The following RIT2 variants were observed in gnomAD, a reference collection of about 807,000 sequenced individuals.
RIT2 encodes the protein GTP-binding protein Rit2.
A neutral mutation model predicts 23.7 loss-of-function variants in RIT2; 24 were observed. That is an observed-to-expected ratio of 1.01 (90% CI 0.73 to 1.43). The LOEUF (loss-of-function observed/expected upper bound fraction) is 1.43. Ranked by LOEUF, RIT2 falls within the 40% of genes most tolerant of loss-of-function variation. The pLI, the probability that RIT2 is intolerant of heterozygous loss-of-function variation, is 0.00. For synonymous variants in RIT2, 107 were observed against 91.1 expected (o/e 1.17, Z -0.99); for missense variants, 236 against 266.9 (o/e 0.88, Z 0.81).
intron 1 of RIT2, among the ~76,000 whole-genome samples, chr18:43,073,821 T>C (rs7234870): frequency 0.34 from 52,225 of 151,982 alleles, 9,398 homozygotes; most frequent in East Asian, 0.56. Context: ...AGAAGTTTTG[T>C]TGTGCATAAG....
chr18:42,944,549 G>A (rs1044205606), intron 3 of RIT2, among the ~76,000 whole-genome samples: 1 of 152,038 alleles, frequency 6.6e-6, no homozygotes, highest in African/African-American at 2.4e-5. Flanking sequence ...ATCTCAATGA[G>A]GTAGGCTCTA....
chr18:42,960,621 A>T (rs1910074387), intron 3 of RIT2, among the ~76,000 whole-genome samples: 1 of 152,052 alleles, frequency 6.6e-6, no homozygotes, highest in Non-Finnish European at 1.5e-5. Flanking sequence ...AGCCCTGCCA[A>T]TGTTTTTAGC....
chr18:43,031,054 C>T (rs996903090), intron 2 of RIT2, among the ~76,000 whole-genome samples: 2 of 151,712 alleles, frequency 1.3e-5, no homozygotes, highest in African/African-American at 2.4e-5. Flanking sequence ...CTCTCGCTTG[C>T]CTTCCTACAT....
chr18:42,761,971 A>G (rs897917355), intron 4 of RIT2, among the ~76,000 whole-genome samples: 6 of 152,196 alleles, frequency 3.9e-5, no homozygotes, highest in Non-Finnish European at 5.9e-5. Context: ...GGAGGCAGGG[A>G]TTAGAGGCTG....
intron 4 of RIT2, among the ~76,000 whole-genome samples, chr18:42,813,708 T>C (rs1338280916): frequency 6.6e-6 from 1 of 152,098 alleles, no homozygotes. Flanking sequence ...AAAGTCAAAG[T>C]AGTGGGGATC....
chr18:43,078,240 C>G, intron 1 of RIT2, among the ~76,000 whole-genome samples: 1 of 152,164 alleles, frequency 6.6e-6, no homozygotes, highest in East Asian at 1.9e-4. Flanking sequence ...GACAATTCCT[C>G]TATCCACATC....
intron 2 of RIT2, among the ~76,000 whole-genome samples, chr18:42,991,083 C>G (rs1910836271): frequency 6.6e-6 from 1 of 151,916 alleles, no homozygotes; most frequent in Non-Finnish European, 1.5e-5. Context: ...TTTCGGAAAC[C>G]ATATTTAGTA....
intron 2 of RIT2, among the ~76,000 whole-genome samples, chr18:42,986,917 T>C (rs1910722739): frequency 6.6e-6 from 1 of 152,188 alleles, no homozygotes; most frequent in African/African-American, 2.4e-5. Flanking sequence ...ATGATAATGA[T>C]ACAAATGCTA....
chr18:42,953,796 G>T (rs553099919), intron 3 of RIT2, among the ~76,000 whole-genome samples: 1 of 152,078 alleles, frequency 6.6e-6, no homozygotes, highest in Non-Finnish European at 1.5e-5. Flanking sequence ...ACGTTTAAAC[G>T]AAGTGTGGGA....
At chr18:43,062,757 T>A (rs1912677513) in intron 1 of RIT2, among the ~76,000 whole-genome samples, 1 of 152,108 alleles carries the variant, frequency 6.6e-6, no homozygotes. Context: ...ACCACATGTT[T>A]AAGTATGGGC....
intron 4 of RIT2, among the ~76,000 whole-genome samples, chr18:42,809,019 A>T (rs941006949): frequency 6.6e-6 from 1 of 152,176 alleles, no homozygotes; most frequent in Non-Finnish European, 1.5e-5. Context: ...TTTTGGATTC[A>T]AACTGGTCTT....
intron 4 of RIT2, among the ~76,000 whole-genome samples, chr18:42,807,493 T>G (rs936038003): frequency 6.6e-6 from 1 of 152,134 alleles, no homozygotes; most frequent in Non-Finnish European, 1.5e-5. Context: ...GGCAGGTGCC[T>G]GTAATCCCAA....
chr18:42,821,557 C>A (rs138678172), intron 4 of RIT2, among the ~76,000 whole-genome samples: 2 of 151,934 alleles, frequency 1.3e-5, no homozygotes, highest in Admixed American at 1.3e-4. Context: ...GAGGAGGCAC[C>A]GGAGATGCTA....
intron 4 of RIT2, among the ~76,000 whole-genome samples, chr18:42,856,252 T>C (rs1454667707): frequency 6.6e-6 from 1 of 152,250 alleles, no homozygotes; most frequent in Non-Finnish European, 1.5e-5. Flanking sequence ...TAGACCTTTG[T>C]TCAGGAGAGA....
At chr18:43,102,793 A>G (rs1290983972) in intron 1 of RIT2, among the ~76,000 whole-genome samples, 2 of 151,924 alleles carry the variant, frequency 1.3e-5, no homozygotes, top group African/African-American at 4.8e-5. Context: ...AGCTGGGACT[A>G]CAGGAGTGCA....
chr18:42,827,788 G>T (rs746532601), intron 4 of RIT2, among the ~76,000 whole-genome samples: 1 of 151,694 alleles, frequency 6.6e-6, no homozygotes, highest in Non-Finnish European at 1.5e-5. Flanking sequence ...GGCGGATCAC[G>T]AGGTCAGGAA....
intron 1 of RIT2, among the ~76,000 whole-genome samples, chr18:43,056,024 T>A (rs1197166224): frequency 6.6e-6 from 1 of 152,042 alleles, no homozygotes. Context: ...GCTTCCATAG[T>A]GTGTGTGGAT....
At chr18:42,771,701 T>TTTTC (rs1913555916) in intron 4 of RIT2, among the ~76,000 whole-genome samples, 1 of 152,164 alleles carries the variant, frequency 6.6e-6, no homozygotes, top group South Asian at 2.1e-4. Context: ...TTCTAGTTTA[T>TTTTC]TTTCCAGATA....
chr18:43,098,008 T>G (rs1478356050), intron 1 of RIT2, among the ~76,000 whole-genome samples: 3 of 151,948 alleles, frequency 2.0e-5, no homozygotes, highest in Non-Finnish European at 4.4e-5. Context: ...GTAGCTAAAG[T>G]GCTAGCTATA....
Sources: allele counts gnomAD v4.1 joint callset (sites outside exome capture counted in the v4.1 genomes callset), GRCh38; gene constraint gnomAD v4.1.1; transcripts MANE v1.5; gene names NCBI Gene and HGNC (gene_info 2026-07-23, HGNC 2026-07-21).